PRDM6: variants seen among roughly 807,000 people sequenced by gnomAD.
The protein encoded by PRDM6 is putative histone-lysine N-methyltransferase PRDM6.
In PRDM6, 25 loss-of-function variants were observed where a neutral mutation model predicts 60.8. The ratio of observed to expected loss-of-function variants is 0.41; its 90% CI spans 0.30 to 0.57. PRDM6 has a LOEUF of 0.57. Among genes scored for constraint, PRDM6 ranks in the 20% least tolerant of loss-of-function variants. The pLI, the probability that PRDM6 is intolerant of heterozygous loss-of-function variation, is 0.27. For missense variants in PRDM6, 839 were observed against 821.3 expected, an observed-to-expected ratio of 1.02 and a Z score of -0.26; for synonymous variants, 407 against 357.4, an observed-to-expected ratio of 1.14 and a Z score of -1.57.
At chr5:123,124,215 A>G (rs946331964) in intron 3 of PRDM6, among the ~76,000 whole-genome samples, 3 of 152,196 alleles carry the variant, frequency 2.0e-5, no homozygotes, top group African/African-American at 7.2e-5. Flanking sequence ...CTGTTTATGT[A>G]GCACAACAGG....
At chr5:123,159,473 C>T (rs77177520) in intron 4 of PRDM6, 41 bp from the exon 5 acceptor site, 36,845 of 1,546,414 alleles carry the variant, frequency 0.024, 583 homozygotes, top group Non-Finnish European at 0.03. Context: ...GCACATGAGT[C>T]CTATGTATTA....
At chr5:123,095,776 T>G (rs1257188054) in intron 2 of PRDM6, among the ~76,000 whole-genome samples, 1 of 152,182 alleles carries the variant, frequency 6.6e-6, no homozygotes, top group African/African-American at 2.4e-5. Context: ...GAAGATGTGA[T>G]GTAGCTCTCA....
At chr5:123,102,885 G>A (rs1224537284) in intron 3 of PRDM6, among the ~76,000 whole-genome samples, 1 of 151,952 alleles carries the variant, frequency 6.6e-6, no homozygotes, top group African/African-American at 2.4e-5. Flanking sequence ...ATTGTTTTTA[G>A]TATGGTTGTA....
chr5:123,159,572 T>A lies in PRDM6; in HGVS notation c.1087T>A (p.Trp363Arg). The A allele has an allele frequency of 6.4e-7, 1 of 1,551,592 alleles. No individual in the cohort carries two copies. Among genetic ancestry groups the A allele is most frequent in the Non-Finnish European group, 8.7e-7 (1 of 1,146,822 alleles). Residue 363 changes from tryptophan to arginine, a missense_variant, in exon 5 of 8, where the codon TGG becomes AGG. By Grantham distance (101) the Trp-to-Arg change is moderately radical (BLOSUM62 -3). Around this residue, in one of 2 missense-constraint regions of PRDM6, gnomAD observed 730 missense variants for 648.8 expected, o/e 1.13. Coordinates refer to ENST00000407847, the MANE Select transcript of PRDM6 (RefSeq NM_001136239.4). ...DIPRGTELLV[W>R]YNDSYTSFFG... ...CCCTAGGGGCACCGAGCTTCTGGTG[T>A]GGTACAATGACAGCTATACGTCTTT...
chr5:123,138,700 A>G (rs913531143), intron 3 of PRDM6, among the ~76,000 whole-genome samples: 1 of 152,216 alleles, frequency 6.6e-6, no homozygotes, highest in Non-Finnish European at 1.5e-5. Flanking sequence ...AGAATTTTCA[A>G]TATTTGGACA....
Position 123,192,953 on chromosome 5 carries a change from A to G in PRDM6, c.*5752A>G, listed in dbSNP as rs997796952. On this transcript the variant is annotated 3_prime_UTR_variant, in exon 8 of 8. Transcript: ENST00000407847. ...TCAAAGGCACAGATAGTGTAGTTAC[A>G]TGCATGAGGTACTCAAGGAACCAGT... The G allele has an allele frequency of 9.9e-5, 15 of 152,204 alleles. No individual in the cohort carries two copies. The highest frequency in any genetic ancestry group is 3.6e-4 in the African/African-American group (15 of 41,448). 9.4% of individuals were successfully genotyped at this position (152,204 alleles called of 1,614,324 possible). A position where few individuals can be genotyped will look rare whatever the true frequency, so the allele number is the denominator to read the frequency against.
chr5:123,121,853 GT>G lies in PRDM6; in HGVS notation c.900+21908del, dbSNP rs111771327. Among the ~76,000 whole-genome samples the G allele has an allele frequency of 1.5e-3, 207 of 136,314 alleles. 1 individual carries two copies. Among genetic ancestry groups the G allele is most frequent in the Admixed American group, 2.3e-3 (31 of 13,508 alleles). 89.4% of individuals were successfully genotyped at this position (136,314 alleles called of 152,430 possible). A position where few individuals can be genotyped will look rare whatever the true frequency, so the allele number is the denominator to read the frequency against. On this transcript the variant is annotated intron_variant, in intron 3 of 7. Transcript: ENST00000407847. ...AACAGTTTAGTTGGGGAGTTTTTTA[GT>G]TTTTTTTTTTTTTTTAAGAATTCCT...
At position 123,099,992 on chromosome 5, in the gene PRDM6, C is replaced by A. The variant is rs1020316549; in HGVS notation, c.900+31C>A. 13 of 1,474,652 alleles carry A rather than the reference C, an allele frequency of 8.8e-6. No individual in the cohort carries two copies. The highest frequency in any genetic ancestry group is 1.4e-5 in the South Asian group (1 of 70,460). 91.3% of individuals were successfully genotyped at this position (1,474,652 alleles called of 1,614,324 possible). A position where few individuals can be genotyped will look rare whatever the true frequency, so the allele number is the denominator to read the frequency against. On this transcript the variant is annotated intron_variant, in intron 3 of 7. Transcript: ENST00000407847. This position sits in a 1 kb window ranked among gnomAD's most constrained non-coding sequence, Gnocchi z 4.0. ...TGGCCGGCTGCACAGCGCCTCCCCA[C>A]CGAGCAGGAGCCTTGGCCAGCAGGG...
At chr5:123,143,148 AGTGTGTGTGTGTGT>A (rs139092433) in intron 3 of PRDM6, among the ~76,000 whole-genome samples, 3 of 145,982 alleles carry the variant, frequency 2.1e-5, no homozygotes, top group African/African-American at 7.6e-5. Flanking sequence ...TAGTTTTTAA[AGTGTGTGTGTGTGT>A]GTGTGTGTGT....
chr5:123,124,785 G>A (rs1235915299), intron 3 of PRDM6, among the ~76,000 whole-genome samples: 13 of 152,132 alleles, frequency 8.5e-5, no homozygotes. Flanking sequence ...ATTGGCCTAT[G>A]TAAGATGTTT....
intron 3 of PRDM6, among the ~76,000 whole-genome samples, chr5:123,126,480 T>A (rs1454967684): frequency 1.3e-5 from 2 of 152,034 alleles, no homozygotes; most frequent in Non-Finnish European, 2.9e-5. Flanking sequence ...CAGTACTATT[T>A]GGGATGAGTC....
intron 5 of PRDM6, among the ~76,000 whole-genome samples, chr5:123,167,526 A>T (rs1304644784): frequency 6.6e-6 from 1 of 152,052 alleles, no homozygotes; most frequent in Non-Finnish European, 1.5e-5. Context: ...AGTAGCTGGG[A>T]TTACAGGCAT....
At chr5:123,115,122 G>A (rs1359391999) in intron 3 of PRDM6, among the ~76,000 whole-genome samples, 12 of 152,204 alleles carry the variant, frequency 7.9e-5, no homozygotes, top group Admixed American at 7.9e-4. Context: ...AGATCTGCAA[G>A]TCAAATGTGG....
At chr5:123,175,491 C>T (rs1012997523) in intron 6 of PRDM6, among the ~76,000 whole-genome samples, 1 of 152,202 alleles carries the variant, frequency 6.6e-6, no homozygotes, top group Non-Finnish European at 1.5e-5. Flanking sequence ...CCCACTTCTT[C>T]CCCATCCCCC....
In PRDM6 at chr5:123,188,845, C is replaced by T. The variant is rs1017557398; in HGVS notation, c.*1644C>T. 3 of 152,154 alleles carry T rather than the reference C, an allele frequency of 2.0e-5. No homozygotes were observed. The highest frequency in any genetic ancestry group is 4.4e-5 in the Non-Finnish European group (3 of 68,034). 9.4% of individuals were successfully genotyped at this position (152,154 alleles called of 1,614,324 possible). ...TTTGCTTCTCTATTCCTTAGCACCC[C>T]AGCTACCACATTTTAAATGGAATTC... On this transcript the variant is annotated 3_prime_UTR_variant, in exon 8 of 8. Transcript: ENST00000407847.
At chr5:123,141,507 A>G (rs1765100539) in intron 3 of PRDM6, among the ~76,000 whole-genome samples, 1 of 152,076 alleles carries the variant, frequency 6.6e-6, no homozygotes, top group Non-Finnish European at 1.5e-5. Context: ...AGCCCTTGAT[A>G]TGTCATATTT....
chr5:123,148,498 AAT>A (rs1765298386), intron 3 of PRDM6, among the ~76,000 whole-genome samples: 1 of 152,194 alleles, frequency 6.6e-6, no homozygotes, highest in Admixed American at 6.6e-5. Context: ...TTTGAGAAAA[AAT>A]AAAAAGCTGA....
At chr5:123,110,926 G>A (rs991362854) in intron 3 of PRDM6, among the ~76,000 whole-genome samples, 4 of 151,974 alleles carry the variant, frequency 2.6e-5, no homozygotes, top group African/African-American at 9.7e-5. Context: ...GACCAATCCA[G>A]GTTAGTCCCT....
chr5:123,121,835 T>C (rs1219681717), intron 3 of PRDM6, among the ~76,000 whole-genome samples: 3 of 151,668 alleles, frequency 2.0e-5, no homozygotes, highest in Non-Finnish European at 4.4e-5. Flanking sequence ...TGTAACAGTT[T>C]AGTTGGGGAG....
Sources: allele counts gnomAD v4.1 joint callset (sites outside exome capture counted in the v4.1 genomes callset), GRCh38; gene constraint gnomAD v4.1.1; regional missense constraint gnomAD v4.1.1; non-coding constraint Gnocchi (gnomAD v3.1); transcripts MANE v1.5; gene names NCBI Gene and HGNC (gene_info 2026-07-23, HGNC 2026-07-21).